Variants in UBR4 observed in about 807,000 individuals in gnomAD.
UBR4 encodes ubiquitin protein ligase E3 component n-recognin 4, also known as E3 ubiquitin-protein ligase UBR4.
Under a neutral mutation model 575.6 loss-of-function variants are expected in UBR4, and 124 were observed. The observed-to-expected ratio is 0.22, with a 90% CI of 0.19 to 0.25. The LOEUF (loss-of-function observed/expected upper bound fraction) is 0.25. Ranked by LOEUF, UBR4 falls within the 10% of genes least tolerant of loss-of-function variation. The probability of loss-of-function intolerance (pLI) is 1.00; values close to 1 mark genes in which losing one functional copy is unlikely to be tolerated. For synonymous variants in UBR4, 2,455 were observed against 2,473.7 expected (o/e 0.99, Z 0.22); for missense variants, 4,818 against 6,478.8 (o/e 0.74, Z 8.80).
chr1:19,161,038 G>C lies in UBR4; in HGVS notation c.5285C>G (p.Ser1762Cys). The C allele has an allele frequency of 2.5e-6, 4 of 1,614,160 alleles. No individual in the cohort carries two copies. Among genetic ancestry groups the C allele is most frequent in the Non-Finnish European group, 3.4e-6 (4 of 1,180,024 alleles). Residue 1762 changes from serine (S) to cysteine (C), a missense_variant, in exon 38 of 106, where the codon TCC (serine) becomes TGC (cysteine). Around this residue, in one of 29 missense-constraint regions of UBR4, gnomAD observed 159 missense variants for 174.6 expected, o/e 0.91. Transcript: ENST00000375254. The part of the protein sequence containing the change: ...SESLVRHAST[S>C]SPADKAKVTI... The stretch of plus-strand genomic sequence containing the variant: ...AACCTTGGCTTTGTCAGCTGGCGAG[G>C]AGGTGCTGGCATGACGCACTAGACT...
At position 19,183,839 on chromosome 1, in the gene UBR4, G is replaced by A. The variant is rs770853343; in HGVS notation, c.2156C>T (p.Thr719Ile). 1 of 1,614,172 alleles carries A rather than the reference G, an allele frequency of 6.2e-7. No homozygotes were observed. The highest frequency in any genetic ancestry group is 8.5e-7 in the Non-Finnish European group (1 of 1,180,018). ...ALYHFNHSLVTSDLQSPNLQN... is the reference protein window; with the variant it reads ...ALYHFNHSLVISDLQSPNLQN... ...CAGGTTAGGTGACTGAAGGTCAGAG[G>A]TTACCAGTGAGTGGTTGAAGTGATA... is the stretch of plus-strand genomic sequence containing the variant. Residue 719 changes from threonine to isoleucine, a missense_variant, in exon 17 of 106, where the codon ACC becomes ATC. Coordinates refer to ENST00000375254, the MANE Select transcript of UBR4 (RefSeq NM_020765.3).
At chr1:19,192,114 A>T (rs1478904379) in intron 11 of UBR4, 74 bp downstream of exon 11, 12 of 1,525,324 alleles carry the variant, frequency 7.9e-6, no homozygotes, top group Non-Finnish European at 1.1e-5. Flanking sequence ...ATATGAAGTC[A>T]TACTAGCTCC....
At chr1:19,121,023 T>G (rs532828490) in intron 68 of UBR4, among the ~76,000 whole-genome samples, 166 bp downstream of exon 68, 1 of 152,268 alleles carries the variant, frequency 6.6e-6, no homozygotes, top group Admixed American at 6.5e-5. Flanking sequence ...AGGTGTCACT[T>G]CAGTATAATT....
intron 60 of UBR4, among the ~76,000 whole-genome samples, chr1:19,131,269 A>AGG (rs1403804726): frequency 7.8e-6 from 1 of 127,646 alleles, no homozygotes; most frequent in Non-Finnish European, 1.6e-5. Context: ...AAAAAAAAAA[A>AGG]TAAACACAGC....
chr1:19,181,624 C>T (rs966515348), intron 17 of UBR4, among the ~76,000 whole-genome samples: 3 of 152,086 alleles, frequency 2.0e-5, no homozygotes, highest in Non-Finnish European at 2.9e-5. Context: ...TCCTCAGTGT[C>T]TATAATAGTA....
chr1:19,187,471 A>G lies in UBR4; in HGVS notation c.1464T>C (p.Phe488=), dbSNP rs767248187. 2 of 1,614,076 alleles carry G rather than the reference A, an allele frequency of 1.2e-6. No homozygotes were observed. Among genetic ancestry groups the G allele is most frequent in the Non-Finnish European group, 1.7e-6 (2 of 1,180,032 alleles). Residue 488 remains phenylalanine, a synonymous_variant, in exon 12 of 106, where the codon TTT becomes TTC. Coordinates refer to ENST00000375254, the MANE Select transcript of UBR4 (RefSeq NM_020765.3). ...GAAGGGCCTCCACTTGTAGGTCTTG[A>G]AAGAGAGACGTTAGCAGTTTGATGG... ...NHAIKLLTSL[F]QDLQVEALHK...
At position 19,104,591 on chromosome 1, in the gene UBR4, G is replaced by A; in HGVS notation, c.12721C>T (p.Leu4241Phe). 1 of 1,614,104 alleles carries A rather than the reference G, an allele frequency of 6.2e-7. No individual in the cohort carries two copies. The highest frequency in any genetic ancestry group is 8.5e-7 in the Non-Finnish European group (1 of 1,179,996). The stretch of plus-strand genomic sequence containing the variant: ...GGTCCAGGTGGCTCTTTACCTGTGA[G>A]ACTTTTAAGGGCATAACCCTGCTGC... ...DLQQGYALKSLTGLLSSFVEV... is the reference protein window; with the variant it reads ...DLQQGYALKSFTGLLSSFVEV... Residue 4241 changes from leucine to phenylalanine, a missense_variant, in exon 86 of 106, where the codon CTC (leucine) becomes TTC (phenylalanine). By Grantham distance (22) the Leu-to-Phe change is conservative. Around this residue, in one of 29 missense-constraint regions of UBR4, gnomAD observed 105 missense variants for 232.8 expected, o/e 0.45. Transcript: ENST00000375254.
intron 48 of UBR4, 149 bp downstream of exon 48, chr1:19,151,494 C>T (rs1478551233): frequency 1.2e-6 from 1 of 822,230 alleles, no homozygotes; most frequent in Admixed American, 2.1e-5. Context: ...CTCTTTAATA[C>T]ATCAAATGAA....
At position 19,187,483 on chromosome 1, in the gene UBR4, T is replaced by G. The variant is rs763730890; in HGVS notation, c.1452A>C (p.Leu484=). The G allele has an allele frequency of 6.2e-7, 1 of 1,613,954 alleles. No individual in the cohort carries two copies. Among genetic ancestry groups the G allele is most frequent in the South Asian group, 1.1e-5 (1 of 91,084 alleles). Residue 484 remains leucine (L), a synonymous_variant, in exon 12 of 106, where the codon CTA becomes CTC. Transcript: ENST00000375254. The stretch of plus-strand genomic sequence containing the variant: ...CTTGTAGGTCTTGAAAGAGAGACGT[T>G]AGCAGTTTGATGGCATGGTTTGCCA... ...VILANHAIKL[L]TSLFQDLQVE... is the part of the protein sequence containing the mutation.
intron 83 of UBR4, 49 bp from the exon 84 acceptor site, chr1:19,105,891 C>G (rs1232545814): frequency 7.1e-7 from 1 of 1,407,286 alleles, no homozygotes; most frequent in East Asian, 2.6e-5. Context: ...GATGCCCTGC[C>G]TCACCAGGCC....
At position 19,115,630 on chromosome 1, in the gene UBR4, G is replaced by C. The variant is rs774613053; in HGVS notation, c.10831C>G (p.Arg3611Gly). The C allele has an allele frequency of 6.2e-7, 1 of 1,614,102 alleles. No homozygotes were observed. Among genetic ancestry groups the C allele is most frequent in the Non-Finnish European group, 8.5e-7 (1 of 1,179,994 alleles). The stretch of plus-strand genomic sequence containing the variant: ...TGAACCTTCTTGGCTTTGTGCCAGC[G>C]AGCTGGCCTAGGAAAGACAGACAGC... ...AIVELKNKPA[R>G]WHKAKKVQLT... The change falls in exon 74 of 106, where the codon CGC (arginine) becomes GGC (glycine). Residue 3611 changes from arginine (R) to glycine (G), a missense_variant. Physicochemically the swap from Arg to Gly is moderately radical, Grantham distance 125. This residue lies in a region of UBR4 where 550 missense variants were observed against 791.5 expected (regional missense o/e 0.69). Coordinates refer to ENST00000375254, the MANE Select transcript of UBR4 (RefSeq NM_020765.3).
At chr1:19,130,172 T>C (rs2082264798) in intron 60 of UBR4, among the ~76,000 whole-genome samples, 1 of 152,170 alleles carries the variant, frequency 6.6e-6, no homozygotes, top group African/African-American at 2.4e-5. Context: ...GCTATGATCA[T>C]ACCACTGCAA....
rs747447199 is a variant in UBR4 at position 19,165,693 on chromosome 1, G to C, written c.4174C>G (p.Gln1392Glu). Residue 1392 changes from glutamine to glutamate, a missense_variant, in exon 30 of 106, where the codon CAG (glutamine) becomes GAG (glutamate). Transcript: ENST00000375254. ...QYLEKQLESSQARKAMEEFFS... is the reference protein window; with the variant it reads ...QYLEKQLESSEARKAMEEFFS... ...AACTCCTCCATAGCTTTACGAGCCTGGCTACTTTCCAGCTGCTTTTCCAAG... is the reference window on the plus strand; with the variant it reads ...AACTCCTCCATAGCTTTACGAGCCTCGCTACTTTCCAGCTGCTTTTCCAAG... 3.7e-6 allele frequency: 6 copies of C among 1,614,002 alleles called. No homozygotes were observed. In the Admixed American group the frequency reaches 8.3e-5, roughly 22 times the overall value.
At chr1:19,102,728 G>T (rs903019766) in intron 87 of UBR4, among the ~76,000 whole-genome samples, 1 of 152,106 alleles carries the variant, frequency 6.6e-6, no homozygotes, top group Non-Finnish European at 1.5e-5. Context: ...GGTGGATAAA[G>T]CCCCGAATCC....
intron 7 of UBR4, 150 bp from the exon 8 acceptor site, chr1:19,197,415 G>T: frequency 8.1e-7 from 1 of 1,233,346 alleles, no homozygotes; most frequent in Non-Finnish European, 1.1e-6. Context: ...GATTGCTTGA[G>T]CCCAGGAGTT....
At chr1:19,146,118 A>G (rs1014189255) in intron 52 of UBR4, 185 bp from the exon 53 acceptor site, 1 of 1,540,014 alleles carries the variant, frequency 6.5e-7, no homozygotes. Flanking sequence ...TGGGAAAGGA[A>G]TATCGCAGAA....
chr1:19,144,182 C>T (rs888562953), intron 54 of UBR4, 91 bp from the exon 55 acceptor site: 3 of 1,186,658 alleles, frequency 2.5e-6, no homozygotes, highest in African/African-American at 1.5e-5. Flanking sequence ...CACTCACTCA[C>T]ATGCAAGTGG....
chr1:19,177,496 G>C lies in UBR4; in HGVS notation c.2602C>G (p.Gln868Glu), dbSNP rs1255729572. The change falls in exon 19 of 106, where the codon CAG (glutamine) becomes GAG (glutamate). Residue 868 changes from glutamine to glutamate, a missense_variant. By Grantham distance (29) the Gln-to-Glu change is conservative. Around this residue, in one of 29 missense-constraint regions of UBR4, gnomAD observed 1,172 missense variants for 1,259.7 expected, o/e 0.93. Transcript: ENST00000375254. ...LLLIFDYLLH[Q>E]YSKAPVYLFE... ...AGATACACAGGGGCTTTGGAGTACT[G>C]ATGAAGCAGATAATCAAAGATGAGA... The C allele has an allele frequency of 2.5e-6, 4 of 1,614,156 alleles. No homozygotes were observed. The highest frequency in any genetic ancestry group is 3.4e-6 in the Non-Finnish European group (4 of 1,180,026).
At chr1:19,116,261 CA>C (rs1399724493) in intron 73 of UBR4, among the ~76,000 whole-genome samples, 2 of 152,186 alleles carry the variant, frequency 1.3e-5, no homozygotes, top group Non-Finnish European at 2.9e-5. Context: ...TGAGGTTAAG[CA>C]GCTTCTCTAA....
Sources: allele counts gnomAD v4.1 joint callset (sites outside exome capture counted in the v4.1 genomes callset), GRCh38; gene constraint gnomAD v4.1.1; regional missense constraint gnomAD v4.1.1; transcripts MANE v1.5; gene names NCBI Gene and HGNC (gene_info 2026-07-23, HGNC 2026-07-21).